Variants in KIF9 observed in about 807,000 individuals in gnomAD.
KIF9 encodes the protein kinesin family member 9.
A neutral mutation model predicts 94.8 loss-of-function variants in KIF9; 68 were observed. The ratio of observed to expected loss-of-function variants is 0.72; its 90% CI spans 0.59 to 0.88. The LOEUF (loss-of-function observed/expected upper bound fraction) is 0.88, where lower values mean the gene tolerates loss of function less well. KIF9 is among the 40% of genes least tolerant of loss of function. The pLI, the probability that KIF9 is intolerant of heterozygous loss-of-function variation, is 0.00. For synonymous variants in KIF9, 343 were observed against 362.1 expected (o/e 0.95, Z 0.60); for missense variants, 882 against 982.5 (o/e 0.90, Z 1.37).
chr3:47,240,258 C>G (rs1356663388), intron 17 of KIF9: 3 of 233,578 alleles, frequency 1.3e-5, no homozygotes, highest in Non-Finnish European at 2.6e-5. Flanking sequence ...CTGCCACCAG[C>G]TCTAGGAGAT....
chr3:47,246,217 G>T lies in KIF9; in HGVS notation c.1269C>A (p.Asn423Lys), dbSNP rs1017702002. The T allele has an allele frequency of 1.2e-6, 2 of 1,613,664 alleles. No homozygotes were observed. Among genetic ancestry groups the T allele is most frequent in the African/African-American group, 1.3e-5 (1 of 74,908 alleles). ...ISLRQIKEVF[N>K]QFRVVLSQQE... Reference sequence around the variant, plus strand: ...CTCACCTCAGAACCACCCGGAACTGGTTGAACACCTCCTTGATCTGTCTAA... The same window carrying T: ...CTCACCTCAGAACCACCCGGAACTGTTTGAACACCTCCTTGATCTGTCTAA... Residue 423 changes from asparagine to lysine, a missense_variant, in exon 13 of 21, where the codon AAC (asparagine) becomes AAA (lysine). By Grantham distance (94) the Asn-to-Lys change is moderately conservative (BLOSUM62 0). Transcript: ENST00000684063.
intron 4 of KIF9, 109 bp downstream of exon 4, chr3:47,273,443 C>T: frequency 1.3e-6 from 1 of 783,286 alleles, no homozygotes; most frequent in Non-Finnish European, 2.1e-6. Context: ...CACTGCAACT[C>T]CTTTGAGGCC....
At chr3:47,256,358 C>T (rs1160847434) in intron 10 of KIF9, among the ~76,000 whole-genome samples, 2 of 150,640 alleles carry the variant, frequency 1.3e-5, no homozygotes, top group Non-Finnish European at 3.0e-5. Context: ...TGAGGAGACC[C>T]TCTGCCTGGC....
chr3:47,282,152 G>A (rs1317541767), intron 1 of KIF9: 14 of 977,286 alleles, frequency 1.4e-5, no homozygotes, highest in Admixed American at 1.2e-4. Flanking sequence ...GTAACACGAA[G>A]GGCTCCGACT....
At chr3:47,264,250 G>C (rs534521768) in intron 9 of KIF9, 36 bp downstream of exon 9, 1 of 1,533,638 alleles carries the variant, frequency 6.5e-7, no homozygotes, top group Non-Finnish European at 9.0e-7. Context: ...CATGAAGGGG[G>C]ATTCCAGCCT....
rs1699041374 is a variant in KIF9 at position 47,236,555 on chromosome 3, G to A, written c.1989C>T (p.Leu663=). The A allele has an allele frequency of 6.2e-7, 1 of 1,614,012 alleles. No individual in the cohort carries two copies. The highest frequency in any genetic ancestry group is 8.5e-7 in the Non-Finnish European group (1 of 1,180,044). The change falls in exon 18 of 21, where the codon CTC becomes CTT. Residue 663 remains leucine (L), a synonymous_variant. Transcript: ENST00000684063. ...TGCGGTACTGCTTCTTGAGGTCTTT[G>A]AGCTTGAGGATCAGCAGGAATTCTT... is the stretch of plus-strand genomic sequence containing the variant. ...DEEEFLLILK[L]KDLKKQYRSE...
intron 10 of KIF9, among the ~76,000 whole-genome samples, chr3:47,253,350 T>C (rs964307421): frequency 2.0e-5 from 3 of 151,980 alleles, no homozygotes; most frequent in Non-Finnish European, 2.9e-5. Context: ...AGAGATGGGG[T>C]TCTCCATGTT....
chr3:47,238,729 C>T (rs771685982), intron 17 of KIF9, among the ~76,000 whole-genome samples: 1 of 151,916 alleles, frequency 6.6e-6, no homozygotes, highest in Non-Finnish European at 1.5e-5. Flanking sequence ...GGCGCAATCT[C>T]GACTCACTGC....
rs1702468404 is a variant in KIF9, at chr3:47,282,592, T to C, written c.-103A>G. 2.8e-6 allele frequency: 3 copies of C among 1,089,132 alleles called. No homozygotes were observed. Among genetic ancestry groups the C allele is most frequent in the Non-Finnish European group, 3.4e-6 (3 of 891,018 alleles). The allele number at this position is 1,089,132 out of a possible 1,614,324, so 67.5% of individuals were successfully genotyped here. ...TGCCTGGCTGTGTACATAGTCGCCATGGCAACGGGTCGCTTCCGGGGATTC... is the reference window on the plus strand; with the variant it reads ...TGCCTGGCTGTGTACATAGTCGCCACGGCAACGGGTCGCTTCCGGGGATTC... On this transcript the variant is annotated 5_prime_UTR_variant, in exon 1 of 21. The change abolishes an upstream ATG in the 5' untranslated region. Transcript: ENST00000684063.
rs3733092 is a variant in KIF9, at chr3:47,273,631, C to G, written c.287G>C (p.Gly96Ala). The stretch of plus-strand genomic sequence containing the variant: ...CATCATGGTGTATGTCTTGCCAGCT[C>G]CCGTCTGCCCATAACACATGATGGT... ...NGTIMCYGQT[G>A]AGKTYTMMGA... Residue 96 changes from glycine (G) to alanine (A), a missense_variant, in exon 4 of 21, where the codon GGA (glycine) becomes GCA (alanine). Gly to Ala is a moderately conservative substitution (Grantham distance 60, BLOSUM62 0). Coordinates refer to ENST00000684063, the MANE Select transcript of KIF9 (RefSeq NM_182902.4). 262 of 1,614,114 alleles carry G rather than the reference C, an allele frequency of 1.6e-4. 1 individual carries two copies. The East Asian group carries it at 4.8e-3, about 30-fold the overall frequency.
At chr3:47,282,322 G>T in intron 1 of KIF9, 173 bp downstream of exon 1, 40 of 986,170 alleles carry the variant, frequency 4.1e-5, no homozygotes, top group Non-Finnish European at 4.7e-5. Context: ...GCCGCGGTCA[G>T]GTTGAAAGGA....
intron 1 of KIF9, among the ~76,000 whole-genome samples, chr3:47,279,225 C>A (rs1267121150): frequency 2.7e-5 from 4 of 147,944 alleles, no homozygotes; most frequent in African/African-American, 7.5e-5. Flanking sequence ...GTAATCCCAG[C>A]ACTTTGGGAG....
intron 18 of KIF9, 40 bp from the exon 19 acceptor site, chr3:47,236,189 A>G: frequency 7.0e-7 from 1 of 1,438,836 alleles, no homozygotes; most frequent in South Asian, 1.1e-5. Context: ...GGAAGCCGGT[A>G]AGGGCTGTGT....
At chr3:47,274,085 G>C (rs1701814404) in intron 3 of KIF9, among the ~76,000 whole-genome samples, 2 of 152,220 alleles carry the variant, frequency 1.3e-5, no homozygotes, top group South Asian at 2.1e-4. Context: ...CTTCCCCACA[G>C]AGGCAAAGAG....
chr3:47,249,142 CCT>C (rs1481002534), intron 10 of KIF9, among the ~76,000 whole-genome samples: 3 of 140,250 alleles, frequency 2.1e-5, no homozygotes, highest in African/African-American at 7.6e-5. Flanking sequence ...ATGTATGTCA[CCT>C]CTAATTTTTT....
chr3:47,230,325 C>G (rs1698467685), intron 20 of KIF9, among the ~76,000 whole-genome samples: 1 of 151,432 alleles, frequency 6.6e-6, no homozygotes, highest in South Asian at 2.1e-4. Context: ...TGCCTGTAAT[C>G]CCAGCACTTT....
Position 47,269,110 on chromosome 3 carries a change from C to A in KIF9, c.592-1847G>T, listed in dbSNP as rs558979298. Among the ~76,000 whole-genome samples, 4 of 152,200 alleles carry A rather than the reference C, an allele frequency of 2.6e-5. No homozygotes were observed. The South Asian group carries it at 8.3e-4, about 32-fold the overall frequency. ...TTCTGGCCCTTTAAAAAAGATCCTGCTATTGACGTTGAGGAAGTAAGTTGC... is the reference window on the plus strand; with the variant it reads ...TTCTGGCCCTTTAAAAAAGATCCTGATATTGACGTTGAGGAAGTAAGTTGC... On this transcript the variant is annotated intron_variant, in intron 5 of 20. Coordinates refer to ENST00000684063, the MANE Select transcript of KIF9 (RefSeq NM_182902.4).
At chr3:47,259,382 C>T (rs989502667) in intron 9 of KIF9, among the ~76,000 whole-genome samples, 19 of 152,202 alleles carry the variant, frequency 1.2e-4, no homozygotes, top group Non-Finnish European at 2.2e-4. Flanking sequence ...GGACAGGAGG[C>T]GTACTGGGCT....
chr3:47,235,713 C>T, intron 19 of KIF9, 96 bp from the exon 20 acceptor site: 1 of 957,798 alleles, frequency 1.0e-6, no homozygotes, highest in South Asian at 1.4e-5. Context: ...GGGTTTGTGC[C>T]ACACACCGCC....
Sources: allele counts gnomAD v4.1 joint callset (sites outside exome capture counted in the v4.1 genomes callset), GRCh38; gene constraint gnomAD v4.1.1; transcripts MANE v1.5; gene names NCBI Gene and HGNC (gene_info 2026-07-23, HGNC 2026-07-21).